The following MAP7 variants were observed in gnomAD, a reference collection of about 807,000 sequenced individuals.
MAP7 encodes the protein ensconsin.
Under a neutral mutation model 94.8 loss-of-function variants are expected in MAP7, and 52 were observed. The ratio of observed to expected loss-of-function variants is 0.55; its 90% CI spans 0.44 to 0.69. The LOEUF (loss-of-function observed/expected upper bound fraction) is 0.69. Ranked by LOEUF, MAP7 falls within the 30% of genes least tolerant of loss-of-function variation. The probability of loss-of-function intolerance (pLI) is 0.00; values close to 1 mark genes in which losing one functional copy is unlikely to be tolerated. For synonymous variants in MAP7, 350 were observed against 357.0 expected (o/e 0.98, Z 0.22); for missense variants, 940 against 964.6 (o/e 0.97, Z 0.34).
intron 1 of MAP7, among the ~76,000 whole-genome samples, chr6:136,431,671 C>G (rs1476594251): frequency 6.6e-6 from 1 of 152,122 alleles, no homozygotes; most frequent in African/African-American, 2.4e-5. Context: ...GCGCGTGCCA[C>G]CATGCCTGGC....
chr6:136,366,045 A>C lies in MAP7; in HGVS notation c.990-27T>G, dbSNP rs370679045. Reference sequence around the variant, plus strand: ...TGGGCCACAAACAAACAAGGCAGACAAAAGGGGACACATGAGAACAGGCTT... The same window carrying C: ...TGGGCCACAAACAAACAAGGCAGACCAAAGGGGACACATGAGAACAGGCTT... On this transcript the variant is annotated intron_variant, in intron 9 of 17. Transcript: ENST00000354570. The C allele has an allele frequency of 1.3e-4, 212 of 1,595,042 alleles. No homozygotes were observed. The Middle Eastern group carries it at 2.2e-3, about 17-fold the overall frequency.
intron 1 of MAP7, among the ~76,000 whole-genome samples, chr6:136,501,279 A>G: frequency 6.6e-6 from 1 of 152,232 alleles, no homozygotes; most frequent in South Asian, 2.1e-4. Flanking sequence ...CTGTTCCCTC[A>G]TGAAAAGCAC....
intron 1 of MAP7, among the ~76,000 whole-genome samples, chr6:136,466,090 T>C (rs1022540101): frequency 6.6e-6 from 1 of 152,172 alleles, no homozygotes; most frequent in Admixed American, 6.5e-5. Flanking sequence ...GTAAAGCCCA[T>C]GTGTGACTCA....
intron 1 of MAP7, among the ~76,000 whole-genome samples, chr6:136,466,365 T>A (rs1807060785): frequency 6.6e-6 from 1 of 152,150 alleles, no homozygotes. Flanking sequence ...TACTGAAATT[T>A]TTTTTGGACA....
rs867323739 is a variant in MAP7, at chr6:136,510,590, C to T, written c.67+39752G>A. Among the ~76,000 whole-genome samples, 183 of 152,204 alleles carry T rather than the reference C, an allele frequency of 1.2e-3. 4 individuals carry two copies. In the Middle Eastern group the frequency reaches 0.024, roughly 20 times the overall value. On this transcript the variant is annotated intron_variant, in intron 1 of 17. Coordinates refer to ENST00000354570, the MANE Select transcript of MAP7 (RefSeq NM_003980.6). ...GGAGGATGAGCTCACACACGGCAGT[C>T]CACCCTCATCGCTGGTTTTGCTTTC...
intron 1 of MAP7, among the ~76,000 whole-genome samples, chr6:136,514,885 T>C (rs1824360429): frequency 6.6e-6 from 1 of 152,164 alleles, no homozygotes; most frequent in Non-Finnish European, 1.5e-5. Context: ...AAGTCAATGA[T>C]TGCAATGACT....
At chr6:136,351,293 G>C (rs1234468782) in intron 16 of MAP7, among the ~76,000 whole-genome samples, 1 of 151,528 alleles carries the variant, frequency 6.6e-6, no homozygotes, top group African/African-American at 2.4e-5. Context: ...CTAGGCAGGA[G>C]AAGATGGGAT....
intron 1 of MAP7, among the ~76,000 whole-genome samples, chr6:136,513,854 G>T (rs1183573466): frequency 6.6e-6 from 1 of 152,164 alleles, no homozygotes; most frequent in Admixed American, 6.5e-5. Context: ...GAAGTTGCTA[G>T]GGGGAGGGTG....
In MAP7 at chr6:136,383,798, T is replaced by A. The variant is rs1181564846; in HGVS notation, c.527-17A>T. The A allele has an allele frequency of 7.5e-6, 11 of 1,464,560 alleles. 1 individual carries two copies. Among genetic ancestry groups the A allele is most frequent in the Middle Eastern group, 1.7e-4 (1 of 5,818 alleles). The allele number at this position is 1,464,560 out of a possible 1,614,324, so 90.7% of individuals were successfully genotyped here. Reference sequence around the variant, plus strand: ...TGTCTGGATCTAAAACAAATGGAGATAATGCTAATTGACAGCCAACATGTA... The same window carrying A: ...TGTCTGGATCTAAAACAAATGGAGAAAATGCTAATTGACAGCCAACATGTA... On this transcript the variant is annotated splice_polypyrimidine_tract_variant and intron_variant, in intron 5 of 17. Coordinates refer to ENST00000354570, the MANE Select transcript of MAP7 (RefSeq NM_003980.6).
intron 1 of MAP7, among the ~76,000 whole-genome samples, chr6:136,429,557 A>AT (rs1794278517): frequency 6.6e-6 from 1 of 152,244 alleles, no homozygotes; most frequent in African/African-American, 2.4e-5. Flanking sequence ...CCAAATAATT[A>AT]TCCACCCTAG....
intron 1 of MAP7, among the ~76,000 whole-genome samples, chr6:136,456,139 CA>C (rs1802784984): frequency 6.6e-6 from 1 of 152,168 alleles, no homozygotes; most frequent in Non-Finnish European, 1.5e-5. Context: ...CCCAAGTGTA[CA>C]TACATGATGC....
chr6:136,499,295 A>G (rs1232611214), intron 1 of MAP7, among the ~76,000 whole-genome samples: 3 of 152,090 alleles, frequency 2.0e-5, no homozygotes, highest in African/African-American at 4.8e-5. Context: ...TCCAAGGAGA[A>G]AAAGAACCCA....
chr6:136,350,577 G>A (rs1407119220), intron 16 of MAP7, among the ~76,000 whole-genome samples: 2 of 152,256 alleles, frequency 1.3e-5, no homozygotes, highest in Admixed American at 6.5e-5. Flanking sequence ...TGGGCGTGGT[G>A]ACTCACGCCT....
chr6:136,431,706 C>T (rs1419225275), intron 1 of MAP7, among the ~76,000 whole-genome samples: 20 of 151,962 alleles, frequency 1.3e-4, no homozygotes, highest in Admixed American at 1.3e-3. Flanking sequence ...TTAGTAGAGA[C>T]GGGGTTTCAC....
chr6:136,549,688 C>T (rs1829986589), intron 1 of MAP7, among the ~76,000 whole-genome samples: 1 of 152,252 alleles, frequency 6.6e-6, no homozygotes, highest in Non-Finnish European at 1.5e-5. Context: ...TCTGAGAACT[C>T]CGACAAGTCA....
At chr6:136,523,559 A>G (rs1433957407) in intron 1 of MAP7, among the ~76,000 whole-genome samples, 1 of 152,240 alleles carries the variant, frequency 6.6e-6, no homozygotes, top group East Asian at 1.9e-4. Context: ...TGAAAAATTC[A>G]GTCAAAGTCA....
intron 1 of MAP7, among the ~76,000 whole-genome samples, chr6:136,540,478 C>G (rs1370345200): frequency 6.6e-6 from 1 of 152,152 alleles, no homozygotes; most frequent in Non-Finnish European, 1.5e-5. Flanking sequence ...CATATTCATA[C>G]AGAAATGTGC....
At chr6:136,454,505 C>T (rs545327983) in intron 1 of MAP7, among the ~76,000 whole-genome samples, 4 of 151,968 alleles carry the variant, frequency 2.6e-5, no homozygotes, top group Non-Finnish European at 5.9e-5. Context: ...ACTATGTTAC[C>T]CAGGCTGGTC....
At chr6:136,383,889 C>T (rs535609199) in intron 5 of MAP7, 108 bp from the exon 6 acceptor site, 1 of 680,388 alleles carries the variant, frequency 1.5e-6, no homozygotes, top group African/African-American at 1.9e-5. Flanking sequence ...TGCTCTATTT[C>T]TAGATCTGTC....
Sources: gnomAD v4.1 joint callset for allele counts (sites outside exome capture counted in the v4.1 genomes callset) on GRCh38, gnomAD v4.1.1 for gene constraint, MANE v1.5 for transcripts, NCBI Gene and HGNC (gene_info 2026-07-23, HGNC 2026-07-21) for gene names.